Variants in PPP2R1B observed in about 807,000 individuals in gnomAD.
PPP2R1B encodes the protein serine/threonine-protein phosphatase 2A 65 kDa regulatory subunit A beta isoform.
A neutral mutation model predicts 72.7 loss-of-function variants in PPP2R1B; 58 were observed. The ratio of observed to expected loss-of-function variants is 0.80; its 90% CI spans 0.65 to 0.99. The LOEUF is 0.99. PPP2R1B is among the 50% of genes least tolerant of loss of function. The pLI is 0.00. For missense variants in PPP2R1B, 695 were observed against 733.6 expected (o/e 0.95, Z 0.61); for synonymous variants, 256 against 264.6 (o/e 0.97, Z 0.32).
the PPP2R1B span, among the ~76,000 whole-genome samples, chr11:111,695,061 C>T: frequency 1.2e-4 from 18 of 152,236 alleles, no homozygotes; most frequent in Non-Finnish European, 1.9e-4. Flanking sequence ...CAGTGTTGGC[C>T]GATCCACATT....
intron 15 of PPP2R1B, chr11:111,728,592 A>T (rs2135995564): frequency 6.6e-6 from 1 of 151,406 alleles, no homozygotes; most frequent in African/African-American, 2.4e-5. Context: ...CCCGACCTGG[A>T]ATTTTTTTAT....
rs1015588398 is a variant in PPP2R1B at position 111,752,349 on chromosome 11, C to G, written c.1165-17G>C. 1 of 1,582,596 alleles carries G rather than the reference C, an allele frequency of 6.3e-7. No individual in the cohort carries two copies. ...GTCAGGACACTGCAAGTACACAAGCCCCAAAAGACCACATTTAAAAATCAA... is the reference window on the plus strand; with the variant it reads ...GTCAGGACACTGCAAGTACACAAGCGCCAAAAGACCACATTTAAAAATCAA... On this transcript the variant is annotated splice_polypyrimidine_tract_variant and intron_variant, in intron 9 of 14. Coordinates refer to ENST00000527614, the MANE Select transcript of PPP2R1B (RefSeq NM_002716.5).
At chr11:111,722,019 C>T (rs1351166763), downstream of PPP2R1B, 1 of 1,147,572 alleles carries the variant, frequency 8.7e-7, no homozygotes, top group South Asian at 1.7e-5. This position sits in a 1 kb window ranked among gnomAD's most constrained non-coding sequence, Gnocchi z 4.4. Context: ...ACGTGTTTTG[C>T]CTGGCATTTA....
the PPP2R1B span, among the ~76,000 whole-genome samples, chr11:111,702,798 G>C: frequency 6.6e-6 from 1 of 152,180 alleles, no homozygotes; most frequent in Non-Finnish European, 1.5e-5. Context: ...GCAGCAGCCC[G>C]TTGGAGAGCT....
chr11:111,761,951 C>T (rs564488534), intron 3 of PPP2R1B, among the ~76,000 whole-genome samples: 1 of 149,746 alleles, frequency 6.7e-6, no homozygotes, highest in Admixed American at 6.7e-5. Context: ...CAGAGTGAGG[C>T]TCTTGTCTCA....
At chr11:111,759,977 T>C (rs1945266342) in intron 4 of PPP2R1B, 26 bp from the exon 5 acceptor site, 1 of 1,608,234 alleles carries the variant, frequency 6.2e-7, no homozygotes, top group Non-Finnish European at 8.5e-7. Context: ...ATGAAGGTAT[T>C]TCCCATCAAA....
chr11:111,721,131 C>G, the PPP2R1B span: 41 of 1,507,714 alleles, frequency 2.7e-5, no homozygotes, highest in Non-Finnish European at 3.4e-5. Flanking sequence ...TGAAGATGGT[C>G]ATTTTCACTT....
chr11:111,688,274 G>GGTAGAAAT, the PPP2R1B span: 2 of 1,059,268 alleles, frequency 1.9e-6, no homozygotes, highest in Non-Finnish European at 2.8e-6. The surrounding 1 kb of genome is among the most constrained non-coding windows in gnomAD (Gnocchi z 4.2). Context: ...GATGACATCA[G>GGTAGAAAT]GCTATCTCAA....
the PPP2R1B span, among the ~76,000 whole-genome samples, chr11:111,704,636 C>A: frequency 6.6e-6 from 1 of 152,114 alleles, no homozygotes; most frequent in African/African-American, 2.4e-5. Context: ...TGCTAACTGA[C>A]CTTACACCAC....
Position 111,752,259 on chromosome 11 carries a change from G to A in PPP2R1B, c.1238C>T (p.Ser413Phe). 6.2e-7 allele frequency: 1 copy of A among 1,614,150 alleles called. No individual in the cohort carries two copies. ...VNEVIGIRQLSQSLLPAIVEL... is the reference protein window; with the variant it reads ...VNEVIGIRQLFQSLLPAIVEL... ...CACTATGGCAGGAAGGAGAGACTGA[G>A]AGAGCTGACGGATTCCAATCACTTC... Residue 413 changes from serine (S) to phenylalanine (F), a missense_variant, in exon 10 of 15, where the codon TCT becomes TTT. Coordinates refer to ENST00000527614, the MANE Select transcript of PPP2R1B (RefSeq NM_002716.5).
At chr11:111,732,146 C>T (rs555867322) in intron 15 of PPP2R1B, among the ~76,000 whole-genome samples, 9 of 152,334 alleles carry the variant, frequency 5.9e-5, no homozygotes, top group South Asian at 4.1e-4. Flanking sequence ...TCCATCAAGA[C>T]GCAGGACAGG....
the PPP2R1B span, among the ~76,000 whole-genome samples, chr11:111,702,469 G>A: frequency 6.6e-6 from 1 of 152,156 alleles, no homozygotes; most frequent in Non-Finnish European, 1.5e-5. Flanking sequence ...TGCACCTGTA[G>A]TCCTAGCTAC....
At chr11:111,743,028 G>A (rs1388162002) in intron 12 of PPP2R1B, among the ~76,000 whole-genome samples, 2 of 151,884 alleles carry the variant, frequency 1.3e-5, no homozygotes, top group African/African-American at 4.8e-5. Flanking sequence ...CAAGTAGCTG[G>A]GACTACAGGC....
At chr11:111,724,087 C>T (rs565862681), downstream of PPP2R1B, 32 of 1,613,026 alleles carry the variant, frequency 2.0e-5, no homozygotes, top group Middle Eastern at 1.6e-4. Context: ...AAATGCTAGA[C>T]GCTGTGGATC....
the PPP2R1B span, among the ~76,000 whole-genome samples, chr11:111,695,943 T>C: frequency 4.6e-5 from 7 of 152,220 alleles, no homozygotes; most frequent in Admixed American, 1.3e-4. Flanking sequence ...TAGGACCATA[T>C]AGGTCAGTCA....
At position 111,759,910 on chromosome 11, in the gene PPP2R1B, C is replaced by T. The variant is rs1001500689; in HGVS notation, c.581G>A (p.Arg194Gln). The T allele has an allele frequency of 5.0e-6, 8 of 1,614,110 alleles. No homozygotes were observed. Among genetic ancestry groups the T allele is most frequent in the Admixed American group, 1.7e-5 (1 of 60,024 alleles). ...SLCSDDTPMVRRAAASKLGEF... is the reference protein window; with the variant it reads ...SLCSDDTPMVQRAAASKLGEF... ...ACCCAATTTGGAAGCAGCAGCACGT[C>T]GTACCATTGGTGTGTCATCTGAGCA... The change falls in exon 5 of 15, where the codon CGA becomes CAA. Residue 194 changes from arginine (R) to glutamine (Q), a missense_variant. Physicochemically the swap from Arg to Gln is conservative, Grantham distance 43. Transcript: ENST00000527614.
the PPP2R1B span, chr11:111,721,112 A>G: frequency 6.4e-7 from 1 of 1,559,442 alleles, no homozygotes; most frequent in South Asian, 1.2e-5. Flanking sequence ...ATGAGGTGTG[A>G]GTTTGTCCTG....
chr11:111,722,647 GT>G, downstream of PPP2R1B: 1 of 1,611,390 alleles, frequency 6.2e-7, no homozygotes, highest in Non-Finnish European at 8.5e-7. The surrounding 1 kb of genome is among the most constrained non-coding windows in gnomAD (Gnocchi z 4.4). Flanking sequence ...CGCTCATGTT[GT>G]TTTTCTGCTC....
chr11:111,738,589 T>G lies in PPP2R1B; in HGVS notation c.*3007A>C. ...GTCTCTGTTGAGTCAGGACAAGTTG[T>G]CTGGCAAAGACCCCTGGGGCTCTGC... On this transcript the variant is annotated 3_prime_UTR_variant, in exon 15 of 15. Coordinates refer to ENST00000527614, the MANE Select transcript of PPP2R1B (RefSeq NM_002716.5). 1.0e-6 allele frequency: 1 copy of G among 985,486 alleles called. No individual in the cohort carries two copies. The highest frequency in any genetic ancestry group is 4.7e-5 in the South Asian group (1 of 21,282). 61.0% of individuals were successfully genotyped at this position (985,486 alleles called of 1,614,324 possible).
Sources: gnomAD v4.1 joint callset for allele counts (sites outside exome capture counted in the v4.1 genomes callset) on GRCh38, gnomAD v4.1.1 for gene constraint, Gnocchi (gnomAD v3.1) non-coding constraint, MANE v1.5 for transcripts, NCBI Gene and HGNC (gene_info 2026-07-23, HGNC 2026-07-21) for gene names.